FHIT: variants seen among roughly 807,000 people sequenced by gnomAD.
The protein encoded by FHIT is fragile histidine triad diadenosine triphosphatase.
FHIT carries 19 observed loss-of-function variants against 17.9 expected under a neutral mutation model. The observed-to-expected ratio is 1.06, with a 90% CI of 0.74 to 1.56. The LOEUF (loss-of-function observed/expected upper bound fraction) is 1.56, where lower values mean the gene tolerates loss of function less well. Ranked by LOEUF, FHIT falls within the 40% of genes most tolerant of loss-of-function variation. FHIT has a pLI of 0.00. For synonymous variants in FHIT, 81 were observed against 69.7 expected (o/e 1.16, Z -0.81); for missense variants, 248 against 189.2 (o/e 1.31, Z -1.82).
intron 3 of FHIT, among the ~76,000 whole-genome samples, chr3:60,846,578 A>T (rs1326434541): frequency 2.0e-5 from 3 of 152,208 alleles, no homozygotes; most frequent in African/African-American, 7.2e-5. Context: ...TGAGAAAATC[A>T]GTTGAGTTAG....
At chr3:59,905,609 G>A (rs2107107656) in intron 8 of FHIT, among the ~76,000 whole-genome samples, 1 of 152,234 alleles carries the variant, frequency 6.6e-6, no homozygotes, top group East Asian at 1.9e-4. Context: ...AAATGGTTTT[G>A]TTTCAACCAC....
chr3:60,027,299 C>A (rs1575920966), intron 5 of FHIT, among the ~76,000 whole-genome samples: 1 of 152,238 alleles, frequency 6.6e-6, no homozygotes, highest in East Asian at 1.9e-4. Context: ...AACAAATGTT[C>A]TGGCAATTCT....
chr3:59,922,557 G>T, intron 7 of FHIT, 143 bp from the exon 8 acceptor site: 1 of 667,226 alleles, frequency 1.5e-6, no homozygotes. Context: ...TCCACCTTCG[G>T]TAACTATACC....
At chr3:61,014,356 A>T (rs1351291884) in intron 3 of FHIT, among the ~76,000 whole-genome samples, 1 of 152,140 alleles carries the variant, frequency 6.6e-6, no homozygotes, top group Non-Finnish European at 1.5e-5. Flanking sequence ...TATGAGGTAT[A>T]TATGCCTGGG....
chr3:59,922,808 G>T (rs980630367), intron 7 of FHIT, among the ~76,000 whole-genome samples: 1 of 152,176 alleles, frequency 6.6e-6, no homozygotes, highest in African/African-American at 2.4e-5. Context: ...TAAAGAGCGA[G>T]TGAATGAGGT....
chr3:60,369,595 G>A (rs1043739782), intron 5 of FHIT, among the ~76,000 whole-genome samples: 43 of 152,070 alleles, frequency 2.8e-4, no homozygotes, highest in African/African-American at 9.7e-4. Flanking sequence ...TTTCACGCTT[G>A]CTTTTATACT....
intron 4 of FHIT, among the ~76,000 whole-genome samples, chr3:60,788,755 T>C (rs979175579): frequency 4.6e-5 from 7 of 152,162 alleles, no homozygotes; most frequent in Admixed American, 6.5e-5. Context: ...TGTATACACA[T>C]ACACATTTGC....
chr3:60,321,943 A>G (rs143809651), intron 5 of FHIT, among the ~76,000 whole-genome samples: 2,381 of 152,306 alleles, frequency 0.016, 59 homozygotes, highest in Admixed American at 0.067. Context: ...ATCACTTCCC[A>G]GAAGGTCCTA....
chr3:60,008,629 G>C (rs1700013074), intron 7 of FHIT, among the ~76,000 whole-genome samples: 1 of 152,174 alleles, frequency 6.6e-6, no homozygotes, highest in Non-Finnish European at 1.5e-5. Flanking sequence ...AGAACCCAGG[G>C]ATCAGGCAGA....
At chr3:60,777,949 T>C (rs1553724865) in intron 4 of FHIT, among the ~76,000 whole-genome samples, 1 of 152,190 alleles carries the variant, frequency 6.6e-6, no homozygotes, top group Non-Finnish European at 1.5e-5. Context: ...CTTCCCAAAG[T>C]CAAACTTCAG....
intron 5 of FHIT, among the ~76,000 whole-genome samples, chr3:60,279,215 G>C (rs1301528969): frequency 1.3e-5 from 2 of 152,164 alleles, no homozygotes; most frequent in South Asian, 2.1e-4. Context: ...CATCACTACT[G>C]ATCTCACGGA....
intron 4 of FHIT, among the ~76,000 whole-genome samples, chr3:60,668,153 A>C (rs1468090778): frequency 6.6e-6 from 1 of 151,632 alleles, no homozygotes; most frequent in Non-Finnish European, 1.5e-5. Context: ...AGAGAAAAAG[A>C]GGCTTCCCTG....
chr3:60,392,022 A>C (rs1002624811), intron 5 of FHIT, among the ~76,000 whole-genome samples: 19 of 152,130 alleles, frequency 1.2e-4, no homozygotes, highest in African/African-American at 4.1e-4. Context: ...CAATACAGAG[A>C]TTACTTAATA....
intron 8 of FHIT, among the ~76,000 whole-genome samples, chr3:59,845,936 T>C (rs1268550366): frequency 6.6e-6 from 1 of 152,206 alleles, no homozygotes; most frequent in Non-Finnish European, 1.5e-5. Flanking sequence ...TTACATGGAA[T>C]ATCCTTTTCT....
intron 5 of FHIT, among the ~76,000 whole-genome samples, chr3:60,228,666 C>A (rs528927415): frequency 6.6e-6 from 1 of 152,086 alleles, no homozygotes; most frequent in Non-Finnish European, 1.5e-5. Flanking sequence ...AATAATGCTA[C>A]GACTTTTAGG....
At chr3:60,175,800 A>G (rs1269913321) in intron 5 of FHIT, among the ~76,000 whole-genome samples, 1 of 152,162 alleles carries the variant, frequency 6.6e-6, no homozygotes, top group Admixed American at 6.5e-5. Flanking sequence ...TGCTATTAAC[A>G]GCATACTTGA....
chr3:60,943,828 T>TAA (rs1406911668), intron 3 of FHIT, among the ~76,000 whole-genome samples: 4 of 152,180 alleles, frequency 2.6e-5, no homozygotes, highest in African/African-American at 4.8e-5. Context: ...CTTATATATA[T>TAA]AACACAGAAA....
intron 5 of FHIT, among the ~76,000 whole-genome samples, chr3:60,304,843 A>G (rs1039116825): frequency 2.6e-5 from 4 of 152,162 alleles, no homozygotes; most frequent in Non-Finnish European, 5.9e-5. Context: ...CTGATTGTAC[A>G]TCTCTATCAA....
intron 4 of FHIT, among the ~76,000 whole-genome samples, chr3:60,741,025 G>GA (rs1251600539): frequency 6.6e-6 from 1 of 152,018 alleles, no homozygotes; most frequent in Non-Finnish European, 1.5e-5. Flanking sequence ...TATTAACCCA[G>GA]AAAAAAAGTC....
Sources: allele counts gnomAD v4.1 joint callset (sites outside exome capture counted in the v4.1 genomes callset), GRCh38; gene constraint gnomAD v4.1.1; transcripts MANE v1.5; gene names NCBI Gene and HGNC (gene_info 2026-07-23, HGNC 2026-07-21).